CLVS1: variants seen among roughly 807,000 people sequenced by gnomAD.
CLVS1 encodes the protein clavesin 1, also known as clavesin-1.
Under a neutral mutation model 33.1 loss-of-function variants are expected in CLVS1, and 10 were observed. That is an observed-to-expected ratio of 0.30 (90% CI 0.19 to 0.51). The LOEUF (loss-of-function observed/expected upper bound fraction) is 0.51. Among genes scored for constraint, CLVS1 ranks in the 20% least tolerant of loss-of-function variants. CLVS1 has a pLI of 0.97. For missense variants in CLVS1, 343 were observed against 433.4 expected, an observed-to-expected ratio of 0.79 and a Z score of 1.85; for synonymous variants, 163 against 166.1, an observed-to-expected ratio of 0.98 and a Z score of 0.14.
At chr8:60,999,392 G>A in the CLVS1 span, among the ~76,000 whole-genome samples, 1 of 152,162 alleles carries the variant, frequency 6.6e-6, no homozygotes, top group Non-Finnish European at 1.5e-5. Context: ...AAACAGTGGG[G>A]TATGGTAGAA....
upstream of CLVS1, among the ~76,000 whole-genome samples, chr8:61,056,282 G>A (rs754248849): frequency 2.6e-5 from 4 of 152,134 alleles, no homozygotes; most frequent in Non-Finnish European, 2.9e-5. Context: ...CCCAAAAAAC[G>A]GAGTAAATTT....
the CLVS1 span, among the ~76,000 whole-genome samples, chr8:60,977,574 C>T: frequency 7.2e-5 from 11 of 152,200 alleles, no homozygotes; most frequent in East Asian, 1.9e-4. Flanking sequence ...AGGTGCTCAA[C>T]GGCAGATCTG....
chr8:61,325,342 T>C (rs1013049286), intron 2 of CLVS1, among the ~76,000 whole-genome samples: 1 of 152,200 alleles, frequency 6.6e-6, no homozygotes, highest in African/African-American at 2.4e-5. Context: ...ATGTACAACT[T>C]TGTCAATTTT....
chr8:61,458,180 G>A (rs568060110), intron 4 of CLVS1, 127 bp from the exon 5 acceptor site: 12 of 656,964 alleles, frequency 1.8e-5, no homozygotes, highest in Admixed American at 5.7e-5. Flanking sequence ...CAAAATCAAT[G>A]CCTCTTTAAA....
chr8:61,275,235 G>C (rs1417124223), intron 2 of CLVS1, among the ~76,000 whole-genome samples: 2 of 151,794 alleles, frequency 1.3e-5, no homozygotes, highest in Non-Finnish European at 2.9e-5. Flanking sequence ...CTGATCTTCA[G>C]TCTACCACAT....
At chr8:61,482,768 G>A (rs1328717900) in intron 5 of CLVS1, among the ~76,000 whole-genome samples, 1 of 152,176 alleles carries the variant, frequency 6.6e-6, no homozygotes, top group African/African-American at 2.4e-5. Flanking sequence ...AATCAACCTA[G>A]AACTCAGGAT....
At chr8:61,484,893 G>A (rs956627226) in intron 5 of CLVS1, among the ~76,000 whole-genome samples, 29 of 152,298 alleles carry the variant, frequency 1.9e-4, no homozygotes, top group Middle Eastern at 6.8e-3. Context: ...CTAGCCATAT[G>A]TAGAAAGCTG....
intron 3 of CLVS1, among the ~76,000 whole-genome samples, chr8:61,452,832 T>G (rs942028116): frequency 6.6e-6 from 1 of 152,164 alleles, no homozygotes; most frequent in Non-Finnish European, 1.5e-5. Context: ...GAGGAAAAAA[T>G]TATTTTTAAA....
At chr8:61,123,809 A>C (rs1805922694) in intron 1 of CLVS1, among the ~76,000 whole-genome samples, 1 of 152,188 alleles carries the variant, frequency 6.6e-6, no homozygotes, top group Non-Finnish European at 1.5e-5. Context: ...ACTGGGCTTC[A>C]AACCCTGTGT....
chr8:61,320,381 TA>T lies in CLVS1; in HGVS notation c.455+20109del, dbSNP rs772505669. On this transcript the variant is annotated intron_variant, in intron 2 of 5. Coordinates refer to ENST00000325897, the MANE Select transcript of CLVS1 (RefSeq NM_173519.3). ...GCAATATTCTAAAAGATAAGTTTGT[TA>T]AAAAAAAAAGATAAGCTTTGTGCTT... Among the ~76,000 whole-genome samples the T allele has an allele frequency of 1.6e-3, 246 of 149,522 alleles. 1 individual carries two copies. The highest frequency in any genetic ancestry group is 4.8e-3 in the African/African-American group (195 of 40,982).
intron 1 of CLVS1, among the ~76,000 whole-genome samples, chr8:61,114,351 G>A (rs1805680491): frequency 6.6e-6 from 1 of 152,192 alleles, no homozygotes; most frequent in South Asian, 2.1e-4. Context: ...ATTCAGTAAA[G>A]CATCATCTAC....
chr8:61,277,458 C>G (rs1585742927), intron 2 of CLVS1, among the ~76,000 whole-genome samples: 2 of 152,226 alleles, frequency 1.3e-5, no homozygotes, highest in African/African-American at 4.8e-5. Context: ...AGATCTGAAG[C>G]CCCCAGTAAT....
intron 2 of CLVS1, among the ~76,000 whole-genome samples, chr8:61,140,819 A>C (rs1322855014): frequency 6.6e-6 from 1 of 152,112 alleles, no homozygotes; most frequent in Non-Finnish European, 1.5e-5. Context: ...GCCCGCCTCG[A>C]TCTCCCAAAG....
the CLVS1 span, among the ~76,000 whole-genome samples, chr8:61,034,432 T>TA: frequency 6.6e-6 from 1 of 152,128 alleles, no homozygotes; most frequent in African/African-American, 2.4e-5. Context: ...ATATACAGTA[T>TA]ATTATTAACA....
intron 5 of CLVS1, among the ~76,000 whole-genome samples, chr8:61,471,320 C>T (rs1312140474): frequency 6.6e-6 from 1 of 152,150 alleles, no homozygotes; most frequent in Non-Finnish European, 1.5e-5. Context: ...ATGGCTATTA[C>T]CTTTCTTTCC....
chr8:61,486,766 C>T (rs1803900782), intron 5 of CLVS1, among the ~76,000 whole-genome samples: 1 of 152,168 alleles, frequency 6.6e-6, no homozygotes, highest in African/African-American at 2.4e-5. Context: ...ATCATCACCC[C>T]TTTCCCTGCC....
At chr8:61,068,450 T>G (rs1346166339) in intron 1 of CLVS1, among the ~76,000 whole-genome samples, 2 of 151,854 alleles carry the variant, frequency 1.3e-5, no homozygotes, top group Non-Finnish European at 2.9e-5. Context: ...CGTAGGAACC[T>G]CTAACTGGTG....
intron 1 of CLVS1, chr8:61,057,366 T>TCACACACACA (rs61415501): frequency 1.4e-5 from 2 of 139,862 alleles, no homozygotes; most frequent in African/African-American, 2.6e-5. Context: ...TTAGCACACT[T>TCACACACACA]CACACACACA....
At chr8:60,983,951 T>G in the CLVS1 span, among the ~76,000 whole-genome samples, 6 of 152,256 alleles carry the variant, frequency 3.9e-5, no homozygotes, top group African/African-American at 1.2e-4. Flanking sequence ...GTTCAGAACA[T>G]GAACATTTTC....
Sources: gnomAD v4.1 joint callset for allele counts (sites outside exome capture counted in the v4.1 genomes callset) on GRCh38, gnomAD v4.1.1 for gene constraint, MANE v1.5 for transcripts, NCBI Gene and HGNC (gene_info 2026-07-23, HGNC 2026-07-21) for gene names.